Variants in NRG1 observed in about 807,000 individuals in gnomAD.
NRG1 encodes the protein neuregulin 1, also known as pro-neuregulin-1, membrane-bound isoform.
A neutral mutation model predicts 63.8 loss-of-function variants in NRG1; 18 were observed. The ratio of observed to expected loss-of-function variants is 0.28; its 90% CI spans 0.19 to 0.42. The LOEUF (loss-of-function observed/expected upper bound fraction) is 0.42. NRG1 is among the 10% of genes least tolerant of loss of function. The probability of loss-of-function intolerance (pLI) is 1.00; values close to 1 mark genes in which losing one functional copy is unlikely to be tolerated. For missense variants in NRG1, 762 were observed against 814.7 expected (o/e 0.94, Z 0.79); for synonymous variants, 302 against 301.3 (o/e 1.00, Z -0.02).
At chr8:32,743,488 C>G (rs943261409) in intron 7 of NRG1, among the ~76,000 whole-genome samples, 1 of 147,850 alleles carries the variant, frequency 6.8e-6, no homozygotes, top group Non-Finnish European at 1.5e-5. Context: ...TGAGATATAA[C>G]AACTCAACTA....
At chr8:32,491,640 A>G (rs1826572513) in intron 1 of NRG1, among the ~76,000 whole-genome samples, 2 of 151,490 alleles carry the variant, frequency 1.3e-5, no homozygotes, top group Admixed American at 1.3e-4. Flanking sequence ...GGCTCTAGCC[A>G]TCTGCATAGC....
At chr8:32,709,430 A>AT (rs1169078870) in intron 5 of NRG1, among the ~76,000 whole-genome samples, 2 of 151,572 alleles carry the variant, frequency 1.3e-5, no homozygotes, top group African/African-American at 4.8e-5. Context: ...TTTTATTTTT[A>AT]TTTTTTTGAA....
At chr8:32,160,837 TAA>T (rs1293672499) in intron 1 of NRG1, among the ~76,000 whole-genome samples, 1 of 152,226 alleles carries the variant, frequency 6.6e-6, no homozygotes, top group Non-Finnish European at 1.5e-5. Context: ...TACAAGCACT[TAA>T]AGAGAGATGA....
At chr8:32,348,968 A>ATTTAGTAGGTGTT in intron 1 of NRG1, among the ~76,000 whole-genome samples, 1 of 152,330 alleles carries the variant, frequency 6.6e-6, no homozygotes, top group East Asian at 1.9e-4. Context: ...AGCAGAGTGC[A>ATTTAGTAGGTGTT]CTTAGTAGGT....
chr8:32,400,601 T>C (rs1441630373), intron 1 of NRG1, among the ~76,000 whole-genome samples: 1 of 152,096 alleles, frequency 6.6e-6, no homozygotes, highest in East Asian at 1.9e-4. Flanking sequence ...TGAGATACCA[T>C]TTCACGCCAG....
At chr8:32,634,526 A>G (rs1211863229) in intron 5 of NRG1, among the ~76,000 whole-genome samples, 2 of 152,224 alleles carry the variant, frequency 1.3e-5, no homozygotes, top group African/African-American at 4.8e-5. Context: ...ACATAGCATA[A>G]TTAAGTTGAC....
chr8:31,721,392 A>G (rs574634164), intron 1 of NRG1, among the ~76,000 whole-genome samples: 1 of 152,282 alleles, frequency 6.6e-6, no homozygotes, highest in African/African-American at 2.4e-5. Flanking sequence ...AGATAGGCAT[A>G]ATTCCTAATT....
At chr8:32,133,004 C>G (rs1035700089) in intron 1 of NRG1, among the ~76,000 whole-genome samples, 1 of 151,772 alleles carries the variant, frequency 6.6e-6, no homozygotes, top group Non-Finnish European at 1.5e-5. Flanking sequence ...CTCCTCCCCC[C>G]TTTCCCCCCA....
exon 12 of NRG1, chr8:32,766,429 T>C (rs1049729006): frequency 6.6e-6 from 1 of 152,154 alleles, no homozygotes; most frequent in East Asian, 1.9e-4. Flanking sequence ...GCTCACGGCA[T>C]GGGGAAGAAG....
chr8:32,000,307 G>T (rs1401836106), intron 1 of NRG1, among the ~76,000 whole-genome samples: 1 of 151,966 alleles, frequency 6.6e-6, no homozygotes, highest in East Asian at 1.9e-4. Context: ...TGCAAGGTCA[G>T]TGTCTCAGTG....
intron 1 of NRG1, among the ~76,000 whole-genome samples, chr8:32,285,066 T>C (rs1401563713): frequency 6.6e-6 from 1 of 152,226 alleles, no homozygotes; most frequent in Non-Finnish European, 1.5e-5. Flanking sequence ...GTTTGACCTA[T>C]CTGTAGCTCT....
At chr8:32,230,908 T>C (rs1846860718) in intron 1 of NRG1, among the ~76,000 whole-genome samples, 1 of 152,146 alleles carries the variant, frequency 6.6e-6, no homozygotes. Context: ...TATTTGAAAA[T>C]ATACAATAAA....
intron 1 of NRG1, among the ~76,000 whole-genome samples, chr8:32,126,721 T>TG (rs1834111087): frequency 6.6e-6 from 1 of 151,926 alleles, no homozygotes; most frequent in Non-Finnish European, 1.5e-5. Flanking sequence ...AGAAGGAGCC[T>TG]GATTTTCCAT....
chr8:31,991,691 A>C (rs1455633397), intron 1 of NRG1, among the ~76,000 whole-genome samples: 1 of 151,910 alleles, frequency 6.6e-6, no homozygotes, highest in Non-Finnish European at 1.5e-5. Context: ...GGTGTGTATC[A>C]AGTTTTCTCC....
At chr8:31,753,321 T>C (rs1816667442) in intron 1 of NRG1, among the ~76,000 whole-genome samples, 1 of 151,582 alleles carries the variant, frequency 6.6e-6, no homozygotes, top group Admixed American at 6.6e-5. Context: ...ACTCTTATGA[T>C]GAAAATCAGT....
rs532163816 is a variant in NRG1, at chr8:31,911,030, A to C, written c.37+271599A>C. On this transcript the variant is annotated intron_variant, in intron 1 of 10. Transcript: ENST00000519301. ...TTGTCTTACTTTACTTCATTGCACC[A>C]GGAGGAATTTGAAGATCCATCCAAG... 1.1e-3 allele frequency among the ~76,000 whole-genome samples: 167 copies of C among 152,290 alleles called. 2 individuals are homozygous for C. Among genetic ancestry groups the C allele is most frequent in the African/African-American group, 3.8e-3 (158 of 41,582 alleles).
intron 1 of NRG1, among the ~76,000 whole-genome samples, chr8:32,299,025 C>CAAAAAA (rs34799826): frequency 3.9e-4 from 23 of 59,520 alleles, no homozygotes; most frequent in African/African-American, 8.3e-4. Context: ...GACTCTATCT[C>CAAAAAA]AAAAAAAAAA....
chr8:31,886,843 T>G (rs1189573640), intron 1 of NRG1, among the ~76,000 whole-genome samples: 1 of 152,096 alleles, frequency 6.6e-6, no homozygotes, highest in Non-Finnish European at 1.5e-5. Context: ...ACTAAGCTTT[T>G]GAGGATTCCT....
intron 1 of NRG1, among the ~76,000 whole-genome samples, chr8:31,770,770 CATAT>C (rs4036035): frequency 0.53 from 74,176 of 140,318 alleles, 19,966 homozygotes; most frequent in East Asian, 0.71. Context: ...GTATAATAAA[CATAT>C]ATATATATAT....
Sources: gnomAD v4.1 joint callset for allele counts (sites outside exome capture counted in the v4.1 genomes callset) on GRCh38, gnomAD v4.1.1 for gene constraint, MANE v1.5 for transcripts, NCBI Gene and HGNC (gene_info 2026-07-23, HGNC 2026-07-21) for gene names.